PBK: variants seen among roughly 807,000 people sequenced by gnomAD.
PBK encodes the protein PDZ binding kinase.
In PBK, 22 loss-of-function variants were observed where a neutral mutation model predicts 33.5. The ratio of observed to expected loss-of-function variants is 0.66; its 90% confidence interval spans 0.47 to 0.94. PBK has a LOEUF of 0.94. Among genes scored for constraint, PBK ranks in the 40% least tolerant of loss-of-function variants. PBK has a pLI of 0.00. For missense variants in PBK, 376 were observed against 383.4 expected (o/e 0.98, Z 0.16); for synonymous variants, 129 against 123.8 (o/e 1.04, Z -0.28).
At position 27,820,708 on chromosome 8, in the gene PBK, AAATTT is replaced by A. The variant is rs1356080837; in HGVS notation, c.466-19_466-15del. On this transcript the variant is annotated splice_polypyrimidine_tract_variant and intron_variant, in intron 5 of 7. Transcript: ENST00000301905. ...TTGGTGCAGATACTAAAATAGTAAA[AAATTT>A]AACACATATGTGCAGAAACACAAAC... 6.8e-7 allele frequency: 1 copy of A among 1,466,848 alleles called. No homozygotes were observed. Among genetic ancestry groups the A allele is most frequent in the Admixed American group, 2.1e-5 (1 of 48,252 alleles). The allele number at this position is 1,466,848 out of a possible 1,614,324, so 90.9% of individuals were successfully genotyped here.
chr8:27,822,602 A>G (rs1013767934), intron 4 of PBK, 114 bp from the exon 5 acceptor site: 6 of 629,010 alleles, frequency 9.5e-6, no homozygotes, highest in African/African-American at 9.5e-5. Context: ...CAAATATACA[A>G]TGAAACAGCT....
At chr8:27,814,383 T>A (rs1158422128) in intron 6 of PBK, among the ~76,000 whole-genome samples, 1 of 152,172 alleles carries the variant, frequency 6.6e-6, no homozygotes, top group Non-Finnish European at 1.5e-5. Context: ...ATAACCCTTT[T>A]CTCATTCCTG....
intron 6 of PBK, 71 bp from the exon 7 acceptor site, chr8:27,811,205 CA>C: frequency 7.3e-7 from 1 of 1,375,604 alleles, no homozygotes; most frequent in Non-Finnish European, 1.0e-6. Context: ...CAAAGGGAAA[CA>C]GGCGAACGAT....
At chr8:27,825,541 A>C (rs1806009473) in intron 3 of PBK, among the ~76,000 whole-genome samples, 1 of 152,158 alleles carries the variant, frequency 6.6e-6, no homozygotes. Flanking sequence ...AAGATGGTAG[A>C]CTAGCTTTGG....
intron 6 of PBK, among the ~76,000 whole-genome samples, chr8:27,816,931 C>T (rs1224069589): frequency 1.3e-5 from 2 of 151,980 alleles, no homozygotes; most frequent in African/African-American, 4.8e-5. Flanking sequence ...CACATTGTTG[C>T]ATAGTCTGTT....
chr8:27,824,691 T>C (rs1317025227), intron 3 of PBK, among the ~76,000 whole-genome samples: 1 of 152,166 alleles, frequency 6.6e-6, no homozygotes. Flanking sequence ...TTCAATCTTA[T>C]ACAAACTGTT....
intron 2 of PBK, among the ~76,000 whole-genome samples, chr8:27,831,074 G>T (rs1389565669): frequency 6.6e-6 from 1 of 152,172 alleles, no homozygotes; most frequent in Non-Finnish European, 1.5e-5. Context: ...CTGACTTGTG[G>T]TTTATGTGTC....
intron 1 of PBK, among the ~76,000 whole-genome samples, 199 bp downstream of exon 1, chr8:27,837,443 ACTCTCAGGTC>A (rs1019657366): frequency 6.6e-6 from 1 of 152,046 alleles, no homozygotes; most frequent in Non-Finnish European, 1.5e-5. Context: ...GGGCCGCATG[ACTCTCAGGTC>A]CTCTGCATCT....
chr8:27,831,855 T>C (rs1191090790), intron 2 of PBK, among the ~76,000 whole-genome samples: 3 of 152,164 alleles, frequency 2.0e-5, no homozygotes, highest in Admixed American at 2.0e-4. Context: ...CTATTAACTG[T>C]GAAATCACAG....
chr8:27,822,341 A>G lies in PBK; in HGVS notation c.443T>C (p.Leu148Ser). Residue 148 changes from leucine to serine, a missense_variant, in exon 5 of 8, where the codon TTG becomes TCG. Coordinates refer to ENST00000301905, the MANE Select transcript of PBK (RefSeq NM_018492.4). ...TACCTTTAACCCTCTTGCCATATTC[A>G]AAGCAACTTTTAAAATTATGGCTGC... ...FPAAIILKVA[L>S]NMARGLKYLH... 2 of 1,612,334 alleles carry G rather than the reference A, an allele frequency of 1.2e-6. No individual in the cohort carries two copies. Among genetic ancestry groups the G allele is most frequent in the South Asian group, 2.2e-5 (2 of 90,608 alleles).
chr8:27,822,528 G>C (rs368375216), intron 4 of PBK, 40 bp from the exon 5 acceptor site: 4 of 1,396,642 alleles, frequency 2.9e-6, no homozygotes, highest in Non-Finnish European at 9.9e-7. Flanking sequence ...ATATAGAGAA[G>C]AACAATAATA....
Position 27,820,697 on chromosome 8 carries a change from AAAAT to A in PBK, c.466-7_466-4del. The stretch of plus-strand genomic sequence containing the variant: ...AGTTTCTTTTCTTGGTGCAGATACT[AAAAT>A]AGTAAAAAATTTAACACATATGTGC... On this transcript the variant is annotated splice_region_variant and splice_polypyrimidine_tract_variant and intron_variant, in intron 5 of 7. Transcript: ENST00000301905. The A allele has an allele frequency of 1.3e-6, 2 of 1,498,804 alleles. No homozygotes were observed. Among genetic ancestry groups the A allele is most frequent in the Non-Finnish European group, 1.8e-6 (2 of 1,102,704 alleles). 92.8% of individuals were successfully genotyped at this position (1,498,804 alleles called of 1,614,324 possible).
At chr8:27,822,597 A>G in intron 4 of PBK, 109 bp from the exon 5 acceptor site, 1 of 665,156 alleles carries the variant, frequency 1.5e-6, no homozygotes, top group Non-Finnish European at 2.4e-6. Flanking sequence ...GCTGACAAAT[A>G]TACAATGAAA....
At position 27,810,494 on chromosome 8, in the gene PBK, A is replaced by G; in HGVS notation, c.780T>C (p.Thr260=). The G allele has an allele frequency of 6.3e-7, 1 of 1,596,382 alleles. No individual in the cohort carries two copies. The highest frequency in any genetic ancestry group is 8.6e-7 in the Non-Finnish European group (1 of 1,167,834). The change falls in exon 8 of 8, where the codon ACT becomes ACC. Residue 260 remains threonine, a synonymous_variant. Transcript: ENST00000301905. ...CATCATCAAAATCACTTTCATCAAA[A>G]GTTTTATCTTGAAGGAGTTAGAGAT... ...LSNDDDDEDK[T]FDESDFDDEA...
At chr8:27,820,822 A>AC in intron 5 of PBK, 128 bp from the exon 6 acceptor site, 1 of 399,964 alleles carries the variant, frequency 2.5e-6, no homozygotes, top group South Asian at 4.7e-5. Flanking sequence ...CAGCGTTTCA[A>AC]AATTTTTTTT....
chr8:27,819,055 T>C lies in PBK; in HGVS notation c.595+1510A>G, dbSNP rs373742980. 6.6e-5 allele frequency among the ~76,000 whole-genome samples: 10 copies of C among 152,324 alleles called. No individual in the cohort carries two copies. The South Asian group carries it at 2.1e-3, about 32-fold the overall frequency. On this transcript the variant is annotated intron_variant, in intron 6 of 7. Coordinates refer to ENST00000301905, the MANE Select transcript of PBK (RefSeq NM_018492.4). The stretch of plus-strand genomic sequence containing the variant: ...ACTATTTCCTGACTCTCATGTTCTA[T>C]TTTTCTGCCTATTTTGGCATGAGTA...
intron 6 of PBK, among the ~76,000 whole-genome samples, chr8:27,811,688 C>T (rs1458808435): frequency 1.3e-5 from 2 of 152,092 alleles, no homozygotes; most frequent in Admixed American, 1.3e-4. Flanking sequence ...AAAAAGCCAG[C>T]TAAAATTCTC....
intron 2 of PBK, among the ~76,000 whole-genome samples, chr8:27,830,798 T>TA (rs1433124764): frequency 6.6e-6 from 1 of 152,076 alleles, no homozygotes; most frequent in African/African-American, 2.4e-5. Flanking sequence ...TCAGAACGGA[T>TA]AAAAACAAGA....
chr8:27,833,755 C>T (rs778519811), intron 1 of PBK, among the ~76,000 whole-genome samples: 31 of 151,934 alleles, frequency 2.0e-4, no homozygotes, highest in Non-Finnish European at 3.8e-4. Flanking sequence ...CAGTATGTCT[C>T]CCTGTTATAC....
Sources: allele counts gnomAD v4.1 joint callset (sites outside exome capture counted in the v4.1 genomes callset), GRCh38; gene constraint gnomAD v4.1.1; transcripts MANE v1.5; gene names NCBI Gene and HGNC (gene_info 2026-07-23, HGNC 2026-07-21).